TAFA2: variants seen among roughly 807,000 people sequenced by gnomAD.
TAFA2 encodes the protein TAFA chemokine like family member 2.
A neutral mutation model predicts 18.8 loss-of-function variants in TAFA2; 7 were observed. That is an observed-to-expected ratio of 0.37 (90% CI 0.21 to 0.70). TAFA2 has a LOEUF of 0.70. TAFA2 is among the 30% of genes least tolerant of loss of function. The pLI is 0.53. For synonymous variants in TAFA2, 60 were observed against 54.2 expected, an observed-to-expected ratio of 1.11 and a Z score of -0.47; for missense variants, 122 against 158.1, an observed-to-expected ratio of 0.77 and a Z score of 1.23.
In TAFA2 at chr12:61,728,028, G is replaced by C. The variant is rs570973133; in HGVS notation, c.385-17611C>G. 5.9e-5 allele frequency among the ~76,000 whole-genome samples: 7 copies of C among 119,366 alleles called. No individual in the cohort carries two copies. In the East Asian group the frequency reaches 9.5e-4, roughly 16 times the overall value. The allele number at this position is 119,366 out of a possible 152,430, so 78.3% of individuals were successfully genotyped here. On this transcript the variant is annotated intron_variant, in intron 4 of 4. Transcript: ENST00000416284. ...TTCCATGTATTTGCATACTTTTGAG[G>C]GTTGTTTTTTTTTTTTTTTTCAGTC...
intron 1 of TAFA2, among the ~76,000 whole-genome samples, chr12:62,035,888 C>T (rs866420180): frequency 4.8e-4 from 73 of 151,456 alleles, no homozygotes; most frequent in Middle Eastern, 3.4e-3. Context: ...ACTACAGGCG[C>T]GCGCCACCAT....
At chr12:61,880,057 G>T (rs1565667101) in intron 1 of TAFA2, 5 of 684,054 alleles carry the variant, frequency 7.3e-6, no homozygotes, top group Non-Finnish European at 1.3e-5. Context: ...CGTCTGTGGT[G>T]CTGTCCATAG....
At chr12:61,875,284 C>G (rs1874793413) in intron 1 of TAFA2, among the ~76,000 whole-genome samples, 1 of 152,012 alleles carries the variant, frequency 6.6e-6, no homozygotes, top group Admixed American at 6.6e-5. Flanking sequence ...TTTTGTATCT[C>G]TTTCCACTTC....
intron 4 of TAFA2, among the ~76,000 whole-genome samples, chr12:61,724,557 T>C (rs537966564): frequency 6.6e-6 from 1 of 152,092 alleles, no homozygotes; most frequent in African/African-American, 2.4e-5. Flanking sequence ...TCTCCCCGAG[T>C]CCCCAAAGTT....
chr12:62,128,031 A>T (rs1870534797), intron 1 of TAFA2, among the ~76,000 whole-genome samples: 1 of 152,014 alleles, frequency 6.6e-6, no homozygotes, highest in African/African-American at 2.4e-5. Context: ...CAAGAAAAAA[A>T]ATGGGTAGGG....
intron 1 of TAFA2, among the ~76,000 whole-genome samples, chr12:62,025,462 G>A (rs1405210813): frequency 2.0e-5 from 3 of 152,012 alleles, no homozygotes; most frequent in Non-Finnish European, 4.4e-5. Flanking sequence ...CTTTTTGAAC[G>A]AGAAAAAATT....
chr12:61,929,194 C>A lies in TAFA2; in HGVS notation c.-1-61768G>T, dbSNP rs1592494102. 2.0e-5 allele frequency among the ~76,000 whole-genome samples: 3 copies of A among 149,888 alleles called. No homozygotes were observed. In the East Asian group the frequency reaches 5.9e-4, roughly 29 times the overall value. ...AAAAAAGGAGAAAGGATCCAATGCA[C>A]AAGTGGAGGGATTGGTGTTAGATAG... On this transcript the variant is annotated intron_variant, in intron 1 of 4. Coordinates refer to ENST00000416284, the MANE Select transcript of TAFA2 (RefSeq NM_178539.5).
At chr12:61,996,960 C>T (rs1880210250) in intron 1 of TAFA2, among the ~76,000 whole-genome samples, 1 of 152,164 alleles carries the variant, frequency 6.6e-6, no homozygotes, top group South Asian at 2.1e-4. Flanking sequence ...ACAGTTCATG[C>T]ATTCCTTTAT....
chr12:61,756,889 T>A (rs1407079905), intron 2 of TAFA2, among the ~76,000 whole-genome samples: 1 of 151,904 alleles, frequency 6.6e-6, no homozygotes, highest in African/African-American at 2.4e-5. Context: ...AACAAGGTCA[T>A]GAAGTAGGGG....
intron 1 of TAFA2, among the ~76,000 whole-genome samples, chr12:62,181,235 G>A (rs1002704306): frequency 6.6e-6 from 1 of 151,552 alleles, no homozygotes; most frequent in Non-Finnish European, 1.5e-5. Flanking sequence ...TTCTCCCTTC[G>A]GCATTGAAGA....
chr12:62,190,201 A>G (rs1217542527), intron 1 of TAFA2, among the ~76,000 whole-genome samples: 1 of 152,072 alleles, frequency 6.6e-6, no homozygotes, highest in Non-Finnish European at 1.5e-5. Context: ...GACGTGGAAT[A>G]CTCAATAGGG....
intron 1 of TAFA2, among the ~76,000 whole-genome samples, chr12:61,869,353 A>G (rs1473405756): frequency 6.6e-6 from 1 of 152,216 alleles, no homozygotes; most frequent in East Asian, 1.9e-4. Flanking sequence ...AGATTAAATG[A>G]AATAGTCTGT....
At chr12:62,239,634 C>A (rs935229835) in intron 1 of TAFA2, among the ~76,000 whole-genome samples, 7 of 152,142 alleles carry the variant, frequency 4.6e-5, no homozygotes, top group Non-Finnish European at 1.0e-4. Flanking sequence ...AACCTAGCCA[C>A]CATGTTGTGA....
chr12:61,723,424 C>T (rs548948520), intron 4 of TAFA2, among the ~76,000 whole-genome samples: 6 of 151,884 alleles, frequency 4.0e-5, no homozygotes, highest in East Asian at 1.9e-4. Context: ...AGGAAAAAGG[C>T]GATAAGTAAT....
Position 61,830,868 on chromosome 12 carries a change from A to AT in TAFA2, c.106+36451dup, listed in dbSNP as rs200429530. On this transcript the variant is annotated intron_variant, in intron 2 of 4. Transcript: ENST00000416284. ...CACTTCGGCCTTGGTTCAGCTGAATATTTTTTTTAACAGCGGGCCAAATAT... is the reference window on the plus strand; with the variant it reads ...CACTTCGGCCTTGGTTCAGCTGAATATTTTTTTTTAACAGCGGGCCAAATAT... 1.8e-4 allele frequency among the ~76,000 whole-genome samples: 27 copies of AT among 151,942 alleles called. No homozygotes were observed. The East Asian group carries it at 4.4e-3, about 25-fold the overall frequency.
chr12:61,775,571 A>G (rs1870222557), intron 2 of TAFA2, among the ~76,000 whole-genome samples: 1 of 151,880 alleles, frequency 6.6e-6, no homozygotes, highest in African/African-American at 2.4e-5. Flanking sequence ...TATAATTCCA[A>G]CTATATGCTT....
chr12:62,112,948 G>A (rs1027770159), intron 1 of TAFA2, among the ~76,000 whole-genome samples: 2 of 152,008 alleles, frequency 1.3e-5, no homozygotes, highest in Admixed American at 6.6e-5. Context: ...ACTCAGAGGA[G>A]TTTGTTATTA....
At chr12:61,826,352 G>C (rs916960088) in intron 2 of TAFA2, among the ~76,000 whole-genome samples, 4 of 151,848 alleles carry the variant, frequency 2.6e-5, no homozygotes, top group Non-Finnish European at 4.4e-5. Context: ...GTGTGTGTGT[G>C]TGTGTGTGTG....
intron 1 of TAFA2, among the ~76,000 whole-genome samples, chr12:62,078,227 A>C (rs976852529): frequency 6.6e-6 from 1 of 152,128 alleles, no homozygotes; most frequent in Non-Finnish European, 1.5e-5. Flanking sequence ...TACCCGGCCA[A>C]GCTGAATTCC....
Sources: gnomAD v4.1 joint callset for allele counts (sites outside exome capture counted in the v4.1 genomes callset) on GRCh38, gnomAD v4.1.1 for gene constraint, MANE v1.5 for transcripts, NCBI Gene and HGNC (gene_info 2026-07-23, HGNC 2026-07-21) for gene names.